Variants in HNRNPL observed in about 807,000 individuals in gnomAD.
HNRNPL encodes heterogeneous nuclear ribonucleoprotein L, also known as epididymis secretory sperm binding protein.
A neutral mutation model predicts 64.0 loss-of-function variants in HNRNPL; 12 were observed. That is an observed-to-expected ratio of 0.19 (90% CI 0.12 to 0.30). The LOEUF (loss-of-function observed/expected upper bound fraction) is 0.30, where lower values mean the gene tolerates loss of function less well. Among genes scored for constraint, HNRNPL ranks in the 10% least tolerant of loss-of-function variants. The pLI is 1.00. For synonymous variants in HNRNPL, 385 were observed against 313.0 expected, an observed-to-expected ratio of 1.23 and a Z score of -2.43; for missense variants, 484 against 797.4, an observed-to-expected ratio of 0.61 and a Z score of 4.73.
rs946442401 is a variant in HNRNPL at position 38,838,756 on chromosome 19, A to G, written c.1355+138T>C. On this transcript the variant is annotated intron_variant, in intron 9 of 12. Transcript: ENST00000221419. ...CACTTTCTCCTGTGGTGTCAGAGAC[A>G]CGTCTGGGAACACACCTGCCACATC... The G allele has an allele frequency of 3.7e-6, 5 of 1,337,010 alleles. No individual in the cohort carries two copies. The African/African-American group carries it at 7.2e-5, about 19-fold the overall frequency. The allele number at this position is 1,337,010 out of a possible 1,614,324, so 82.8% of individuals were successfully genotyped here.
intron 8 of HNRNPL, 168 bp from the exon 9 acceptor site, chr19:38,839,183 G>A (rs1001410739): frequency 1.4e-6 from 1 of 733,112 alleles, no homozygotes. Flanking sequence ...TCAACCCATA[G>A]TGAGAAGCAG....
rs759447276 is a variant in HNRNPL, at chr19:38,838,469, G to A, written c.1485C>T (p.Arg495=). ...FSTPEQAAKN[R]IQHPSNVLHF... Reference sequence around the variant, plus strand: ...GCAGCACGTTGCTGGGGTGCTGGATGCGGTTCTTGGCTGCCTGCTCTGGGG... The same window carrying A: ...GCAGCACGTTGCTGGGGTGCTGGATACGGTTCTTGGCTGCCTGCTCTGGGG... The change falls in exon 10 of 13, where the codon CGC becomes CGT. Residue 495 remains arginine (R), a synonymous_variant. Coordinates refer to ENST00000221419, the MANE Select transcript of HNRNPL (RefSeq NM_001533.3). The A allele has an allele frequency of 1.2e-6, 2 of 1,614,200 alleles. No homozygotes were observed. The highest frequency in any genetic ancestry group is 1.1e-5 in the South Asian group (1 of 91,090).
At chr19:38,847,129 G>A (rs1260528455) in intron 2 of HNRNPL, among the ~76,000 whole-genome samples, 187 bp downstream of exon 2, 1 of 152,050 alleles carries the variant, frequency 6.6e-6, no homozygotes, top group Non-Finnish European at 1.5e-5. Context: ...AACGAAGGAA[G>A]GAAAAAGGGT....
chr19:38,840,321 G>C lies in HNRNPL; in HGVS notation c.1008C>G (p.Pro336=), dbSNP rs752797944. The C allele has an allele frequency of 3.6e-5, 55 of 1,545,398 alleles. No homozygotes were observed. The highest frequency in any genetic ancestry group is 1.3e-4 in the Admixed American group (7 of 54,732). Residue 336 remains proline, a synonymous_variant, in exon 8 of 13, where the codon CCC becomes CCG. Transcript: ENST00000221419. ...SHYHDEGYGP[P]PPHYEGRRMG... The stretch of plus-strand genomic sequence containing the variant: ...TCCTTCTCCCTTCGTAGTGAGGTGG[G>C]GGGGGCCCGTAGCCCTCATCATGGT...
At chr19:38,839,860 A>G (rs1034456343) in intron 8 of HNRNPL, among the ~76,000 whole-genome samples, 3 of 152,240 alleles carry the variant, frequency 2.0e-5, no homozygotes, top group African/African-American at 7.2e-5. Context: ...TACTGGTATT[A>G]GTACTTTTAT....
At position 38,839,278 on chromosome 19, in the gene HNRNPL, G is replaced by A. The variant is rs1972031111; in HGVS notation, c.1234-263C>T. The A allele has an allele frequency of 1.3e-5, 6 of 452,606 alleles. No homozygotes were observed. The South Asian group carries it at 1.4e-4, about 11-fold the overall frequency. 28.0% of individuals were successfully genotyped at this position (452,606 alleles called of 1,614,324 possible). ...ATGACAGAAAACTGTACAGGAATCAGAAATCAAATCAGCCATTTTCACCAT... is the reference window on the plus strand; with the variant it reads ...ATGACAGAAAACTGTACAGGAATCAAAAATCAAATCAGCCATTTTCACCAT... On this transcript the variant is annotated intron_variant, in intron 8 of 12. Coordinates refer to ENST00000221419, the MANE Select transcript of HNRNPL (RefSeq NM_001533.3).
At chr19:38,837,351 AG>A in intron 12 of HNRNPL, 32 bp downstream of exon 12, 1 of 1,549,452 alleles carries the variant, frequency 6.5e-7, no homozygotes. Flanking sequence ...TTAGGTCACC[AG>A]GTTGATGCCT....
chr19:38,841,204 C>T (rs77232760), intron 6 of HNRNPL: 3,883 of 263,172 alleles, frequency 0.015, 205 homozygotes, highest in East Asian at 0.13. Context: ...AGATCCACCC[C>T]GACCCCAGCA....
At chr19:38,843,638 G>A (rs918242512) in intron 6 of HNRNPL, 33 of 585,402 alleles carry the variant, frequency 5.6e-5, no homozygotes, top group Non-Finnish European at 8.6e-5. Context: ...GAGCAGCATC[G>A]GAGGGCCCCA....
chr19:38,848,081 G>A (rs967628937), intron 1 of HNRNPL, among the ~76,000 whole-genome samples: 4 of 151,408 alleles, frequency 2.6e-5, no homozygotes, highest in African/African-American at 9.8e-5. Context: ...AGAAAAACCA[G>A]ACAAGAAAAG....
upstream of HNRNPL, chr19:38,850,463 CTGAT>C (rs1388784577): frequency 6.4e-6 from 1 of 155,206 alleles, no homozygotes; most frequent in East Asian, 1.9e-4. Context: ...TGCGTCTCCA[CTGAT>C]TGGTCAATGG....
chr19:38,845,949 G>A lies in HNRNPL; in HGVS notation c.528C>T (p.Ser176=). Residue 176 remains serine (S), a synonymous_variant, in exon 3 of 13, where the codon AGC becomes AGT. Transcript: ENST00000221419. ...GHPAFVNYST[S]QKISRPGDSD... ...AGTCCCCAGGGCGGGAGATCTTCTG[G>A]CTGGTAGAGTAGTTGACAAAAGCTG... The A allele has an allele frequency of 6.2e-7, 1 of 1,614,194 alleles. No homozygotes were observed.
intron 12 of HNRNPL, 112 bp from the exon 13 acceptor site, chr19:38,836,892 T>C (rs1888323041): frequency 1.4e-6 from 1 of 723,736 alleles, no homozygotes; most frequent in African/African-American, 1.8e-5. Flanking sequence ...GGCAGGGGTC[T>C]AAGGAGTGAC....
At chr19:38,845,781 G>A (rs1568373033) in intron 3 of HNRNPL, 46 bp from the exon 4 acceptor site, 13 of 1,598,270 alleles carry the variant, frequency 8.1e-6, no homozygotes, top group Non-Finnish European at 1.1e-5. Context: ...TGGCAGATCA[G>A]TCTGGCTTGG....
chr19:38,843,856 T>C lies in HNRNPL; in HGVS notation c.866A>G (p.Asn289Ser), dbSNP rs767794858. ...DQDTWDYTNP[N>S]LSGQGDPGSN... ...GTCAAGATTACCTTGTCCACTGAGA[T>C]TGGGGTTTGTGTAGTCCCAAGTATC... Residue 289 changes from asparagine to serine, a missense_variant, in exon 6 of 13, where the codon AAT (asparagine) becomes AGT (serine). Coordinates refer to ENST00000221419, the MANE Select transcript of HNRNPL (RefSeq NM_001533.3). 62 of 1,613,752 alleles carry C rather than the reference T, an allele frequency of 3.8e-5. No individual in the cohort carries two copies. The highest frequency in any genetic ancestry group is 2.0e-4 in the Admixed American group (12 of 60,004).
At chr19:38,840,432 G>T in intron 7 of HNRNPL, 56 bp from the exon 8 acceptor site, 2 of 1,551,060 alleles carry the variant, frequency 1.3e-6, no homozygotes, top group Middle Eastern at 1.8e-4. Context: ...ACGGCGGGCG[G>T]CGGGCAGGGG....
chr19:38,837,138 A>G, intron 12 of HNRNPL: 1 of 570,010 alleles, frequency 1.8e-6, no homozygotes, highest in South Asian at 2.2e-5. Flanking sequence ...AGAGAATGCC[A>G]CCTCCCTGGA....
intron 6 of HNRNPL, chr19:38,842,076 T>G (rs1457992244): frequency 8.4e-6 from 1 of 119,538 alleles, no homozygotes; most frequent in Non-Finnish European, 2.1e-5. Context: ...TGTTTTGGTT[T>G]TTTTGATTTT....
intron 8 of HNRNPL, 22 bp downstream of exon 8, chr19:38,840,074 A>G: frequency 1.2e-6 from 2 of 1,612,220 alleles, no homozygotes; most frequent in Non-Finnish European, 1.7e-6. Flanking sequence ...CGAGGAACCC[A>G]GGGGGCCCGG....
Sources: allele counts gnomAD v4.1 joint callset (sites outside exome capture counted in the v4.1 genomes callset), GRCh38; gene constraint gnomAD v4.1.1; transcripts MANE v1.5; gene names NCBI Gene and HGNC (gene_info 2026-07-23, HGNC 2026-07-21).